COPZ2: variants seen among roughly 807,000 people sequenced by gnomAD.
COPZ2 encodes the protein coat protein complex I subunit zeta 2, also known as coatomer subunit zeta-2.
In COPZ2, 30 loss-of-function variants were observed where a neutral mutation model predicts 33.2. That is an observed-to-expected ratio of 0.90 (90% CI 0.68 to 1.23). The LOEUF (loss-of-function observed/expected upper bound fraction) is 1.23, where lower values mean the gene tolerates loss of function less well. Ranked by LOEUF, COPZ2 falls within the 50% of genes most tolerant of loss-of-function variation. The pLI, the probability that COPZ2 is intolerant of heterozygous loss-of-function variation, is 0.00. For missense variants in COPZ2, 263 were observed against 262.4 expected (o/e 1.00, Z -0.02); for synonymous variants, 89 against 102.6 (o/e 0.87, Z 0.80).
At chr17:48,040,860 A>T (rs533706523), upstream of COPZ2, among the ~76,000 whole-genome samples, 5 of 152,106 alleles carry the variant, frequency 3.3e-5, no homozygotes, top group African/African-American at 1.2e-4. Context: ...TATCAATGAT[A>T]CCATATTGGC....
At chr17:48,036,488 A>G (rs1343404335) in intron 2 of COPZ2, among the ~76,000 whole-genome samples, 1 of 152,234 alleles carries the variant, frequency 6.6e-6, no homozygotes, top group East Asian at 1.9e-4. Flanking sequence ...GCTGTAGAAC[A>G]AAAGTGGAGG....
At chr17:48,032,854 G>C in intron 4 of COPZ2, 113 bp from the exon 5 acceptor site, 1 of 813,532 alleles carries the variant, frequency 1.2e-6, no homozygotes, top group Non-Finnish European at 2.0e-6. Context: ...AGAGGCCTGG[G>C]CTGGAGACTG....
chr17:48,033,352 C>T (rs2036928094), intron 3 of COPZ2, 50 bp from the exon 4 acceptor site: 1 of 1,005,006 alleles, frequency 1.0e-6, no homozygotes, highest in Non-Finnish European at 1.6e-6. Flanking sequence ...TGGTCCTAGC[C>T]TAGCCCCTCC....
chr17:48,041,761 T>C (rs1163352722), upstream of COPZ2, among the ~76,000 whole-genome samples: 2 of 151,966 alleles, frequency 1.3e-5, no homozygotes, highest in Non-Finnish European at 1.5e-5. Flanking sequence ...TTCTAAAAAA[T>C]ACTGATTTGG....
At chr17:48,039,596 A>T (rs1368227155), upstream of COPZ2, among the ~76,000 whole-genome samples, 1 of 152,122 alleles carries the variant, frequency 6.6e-6, no homozygotes, top group Non-Finnish European at 1.5e-5. Context: ...CCTAGGCTCA[A>T]GTGATCCTCC....
At chr17:48,029,037 G>A in intron 7 of COPZ2, 88 bp downstream of exon 7, 2 of 1,269,584 alleles carry the variant, frequency 1.6e-6, no homozygotes. Flanking sequence ...AGGAGCTTGG[G>A]CTTCTACCAT....
At chr17:48,040,731 G>A (rs1039961422), upstream of COPZ2, among the ~76,000 whole-genome samples, 1 of 151,708 alleles carries the variant, frequency 6.6e-6, no homozygotes, top group African/African-American at 2.4e-5. Context: ...GCACCTGGCC[G>A]ATGACAGATA....
At chr17:48,031,778 C>G (rs1247048501) in intron 6 of COPZ2, 4 of 257,492 alleles carry the variant, frequency 1.6e-5, no homozygotes, top group Non-Finnish European at 3.0e-5. Context: ...GAATTGAGCC[C>G]TAAGAGCAGG....
At chr17:48,030,109 C>T (rs2036871641) in intron 6 of COPZ2, among the ~76,000 whole-genome samples, 1 of 151,914 alleles carries the variant, frequency 6.6e-6, no homozygotes, top group Non-Finnish European at 1.5e-5. Context: ...TATGGTGAAA[C>T]CCCGTCTTTA....
chr17:48,041,485 A>G (rs1433774183), upstream of COPZ2, among the ~76,000 whole-genome samples: 4 of 152,196 alleles, frequency 2.6e-5, no homozygotes, highest in Non-Finnish European at 4.4e-5. Flanking sequence ...AAAACCTTTA[A>G]CAAGGTGACA....
At chr17:48,036,737 G>A in intron 2 of COPZ2, 114 bp downstream of exon 2, 1 of 896,360 alleles carries the variant, frequency 1.1e-6, no homozygotes, top group Non-Finnish European at 1.8e-6. Flanking sequence ...AGGACCTCTG[G>A]AGGGGTCTAA....
intron 4 of COPZ2, 108 bp from the exon 5 acceptor site, chr17:48,032,849 C>A: frequency 7.9e-6 from 7 of 884,564 alleles, no homozygotes; most frequent in Non-Finnish European, 1.3e-5. Flanking sequence ...GTTTCAGAGG[C>A]CTGGGCTGGA....
At chr17:48,043,131 A>C in the COPZ2 span, among the ~76,000 whole-genome samples, 1 of 152,218 alleles carries the variant, frequency 6.6e-6, no homozygotes, top group Non-Finnish European at 1.5e-5. Flanking sequence ...AAAAGAATGC[A>C]GCCTTCATGT....
upstream of COPZ2, among the ~76,000 whole-genome samples, chr17:48,040,848 C>T (rs2037054733): frequency 6.6e-6 from 1 of 151,802 alleles, no homozygotes; most frequent in African/African-American, 2.4e-5. Context: ...TTAAAATGTA[C>T]CTATCAATGA....
rs1281542037 is a variant in COPZ2 at position 48,026,285 on chromosome 17, G to A, written c.*143C>T. ...CCTGAGGCCAAACCTTTGCATCTCA[G>A]AAGCCCTGGCTGGAGACCTTAGGAG... On this transcript the variant is annotated 3_prime_UTR_variant, in exon 9 of 9. Coordinates refer to ENST00000621465, the MANE Select transcript of COPZ2 (RefSeq NM_016429.4). 14 of 650,182 alleles carry A rather than the reference G, an allele frequency of 2.2e-5. No individual in the cohort carries two copies. The East Asian group carries it at 3.3e-4, about 15-fold the overall frequency. 40.3% of individuals were successfully genotyped at this position (650,182 alleles called of 1,614,324 possible).
At chr17:48,035,709 C>T (rs1204969325) in intron 2 of COPZ2, among the ~76,000 whole-genome samples, 2 of 152,062 alleles carry the variant, frequency 1.3e-5, no homozygotes, top group Admixed American at 1.3e-4. Context: ...CAGGCATCAG[C>T]CACTGCGCCT....
At chr17:48,036,811 A>G in intron 2 of COPZ2, 40 bp downstream of exon 2, 1 of 1,583,988 alleles carries the variant, frequency 6.3e-7, no homozygotes, top group Non-Finnish European at 8.7e-7. Flanking sequence ...GTGTCAGCTG[A>G]GTGGGAACTG....
At chr17:48,040,975 C>T (rs933842524), upstream of COPZ2, among the ~76,000 whole-genome samples, 1 of 151,422 alleles carries the variant, frequency 6.6e-6, no homozygotes, top group Admixed American at 6.6e-5. Context: ...CATGGTGAAA[C>T]CCTGATTCTA....
At chr17:48,044,403 C>CT in the COPZ2 span, among the ~76,000 whole-genome samples, 19,686 of 101,112 alleles carry the variant, frequency 0.19, 2,399 homozygotes, top group South Asian at 0.32. Context: ...CAATCTTTTG[C>CT]TTTTTTTTTT....
Sources: allele counts gnomAD v4.1 joint callset (sites outside exome capture counted in the v4.1 genomes callset), GRCh38; gene constraint gnomAD v4.1.1; transcripts MANE v1.5; gene names NCBI Gene and HGNC (gene_info 2026-07-23, HGNC 2026-07-21).